KIF26B: variants seen among roughly 807,000 people sequenced by gnomAD.
The protein encoded by KIF26B is kinesin family member 26B.
A neutral mutation model predicts 151.2 loss-of-function variants in KIF26B; 63 were observed. That is an observed-to-expected ratio of 0.42 (90% CI 0.34 to 0.51). The LOEUF is 0.51. Ranked by LOEUF, KIF26B falls within the 20% of genes least tolerant of loss-of-function variation. KIF26B has a pLI of 0.07. For missense variants in KIF26B, 2,813 were observed against 2,913.6 expected, an observed-to-expected ratio of 0.97 and a Z score of 0.79; for synonymous variants, 1,357 against 1,262.1, an observed-to-expected ratio of 1.08 and a Z score of -1.59.
intron 2 of KIF26B, among the ~76,000 whole-genome samples, chr1:245,348,614 C>T (rs1165188032): frequency 6.6e-6 from 1 of 152,196 alleles, no homozygotes; most frequent in African/African-American, 2.4e-5. Flanking sequence ...TGACTCCACC[C>T]TCATGACCTG....
chr1:245,696,737 G>A (rs182617844), intron 12 of KIF26B, among the ~76,000 whole-genome samples: 72 of 152,304 alleles, frequency 4.7e-4, no homozygotes, highest in African/African-American at 1.7e-3. Context: ...ACTTAGTTTC[G>A]TTAGTTGGGG....
rs1659586935 is a variant in KIF26B at position 245,458,542 on chromosome 1, C to T, written c.1166+38797C>T. 3.3e-5 allele frequency among the ~76,000 whole-genome samples: 5 copies of T among 152,304 alleles called. No homozygotes were observed. The South Asian group carries it at 1.0e-3, about 32-fold the overall frequency. On this transcript the variant is annotated intron_variant, in intron 4 of 14. Transcript: ENST00000407071. ...TTGCTCCCTCCTTCCCTGTGTATTC[C>T]TGAAGGCATATAGCTACATCTTCAT...
Position 245,702,490 on chromosome 1 carries a change from C to T in KIF26B, c.6211C>T (p.Leu2071=), listed in dbSNP as rs1179896247. ...GGAGCAGGTTTGGGAGCTGGATTCC[C>T]TGGAGTACCTGGAGGCACTGGAGTG... ...DLEQVWELDS[L]EYLEALECVT... is the part of the protein sequence containing the mutation. Residue 2071 remains leucine (L), a synonymous_variant, in exon 15 of 15, where the codon CTG becomes TTG. Coordinates refer to ENST00000407071, the MANE Select transcript of KIF26B (RefSeq NM_018012.4). The surrounding 1 kb of genome is among the most constrained non-coding windows in gnomAD (Gnocchi z 4.1). 3 of 1,613,906 alleles carry T rather than the reference C, an allele frequency of 1.9e-6. No homozygotes were observed. Among genetic ancestry groups the T allele is most frequent in the African/African-American group, 1.3e-5 (1 of 75,026 alleles).
rs1421505807 is a variant in KIF26B, at chr1:245,488,677, C to T, written c.1167-52090C>T. Among the ~76,000 whole-genome samples the T allele has an allele frequency of 1.3e-5, 2 of 152,052 alleles. No individual in the cohort carries two copies. The highest frequency in any genetic ancestry group is 1.3e-4 in the Admixed American group (2 of 15,262). ...TTTTGATGAACTGAAGACTGGGGTC[C>T]GGGTTGTAATGGAGACTTAGAGTTG... On this transcript the variant is annotated intron_variant, in intron 4 of 14. Coordinates refer to ENST00000407071, the MANE Select transcript of KIF26B (RefSeq NM_018012.4). The surrounding 1 kb of genome is among the most constrained non-coding windows in gnomAD (Gnocchi z 4.6).
chr1:245,155,629 C>T, intron 1 of KIF26B, 142 bp downstream of exon 1: 1 of 691,846 alleles, frequency 1.4e-6, no homozygotes. Context: ...GTTGTGAGTG[C>T]GCGGAGGCGG....
At chr1:245,652,819 A>G (rs2044034594) in intron 10 of KIF26B, among the ~76,000 whole-genome samples, 1 of 152,106 alleles carries the variant, frequency 6.6e-6, no homozygotes, top group South Asian at 2.1e-4. Context: ...CAGCTCTGTC[A>G]TCATCTCTTG....
At chr1:245,514,904 A>G (rs186779280) in intron 4 of KIF26B, among the ~76,000 whole-genome samples, 3 of 152,340 alleles carry the variant, frequency 2.0e-5, no homozygotes, top group Admixed American at 6.5e-5. Context: ...GCGTCTGGCC[A>G]TAGCCTTGAT....
chr1:245,500,081 T>C (rs1660590367), intron 4 of KIF26B, among the ~76,000 whole-genome samples: 1 of 152,238 alleles, frequency 6.6e-6, no homozygotes, highest in South Asian at 2.1e-4. Context: ...TGGAAGGTTT[T>C]AGGACTACTG....
At chr1:245,419,521 TG>T in intron 3 of KIF26B, 57 bp from the exon 4 acceptor site, 7 of 1,500,716 alleles carry the variant, frequency 4.7e-6, no homozygotes, top group Admixed American at 1.9e-5. Flanking sequence ...ATGCTGTCAG[TG>T]GTCAGGAAAA....
chr1:245,169,356 T>TGTGTGTGTGTGTGTGC (rs1668669906), intron 2 of KIF26B, among the ~76,000 whole-genome samples: 3 of 151,950 alleles, frequency 2.0e-5, no homozygotes, highest in South Asian at 2.1e-4. Context: ...TGTGTGTGTG[T>TGTGTGTGTGTGTGTGC]GTGTGTGCGC....
At chr1:245,447,428 C>A (rs1328246404) in intron 4 of KIF26B, among the ~76,000 whole-genome samples, 2 of 152,294 alleles carry the variant, frequency 1.3e-5, no homozygotes, top group African/African-American at 4.8e-5. Context: ...CTACAATTCC[C>A]ATATGGGAAA....
In KIF26B at chr1:245,244,650, G is replaced by A. The variant is rs193190439; in HGVS notation, c.465+87967G>A. 1.2e-4 allele frequency among the ~76,000 whole-genome samples: 18 copies of A among 151,910 alleles called. No homozygotes were observed. Among genetic ancestry groups the A allele is most frequent in the African/African-American group, 7.2e-5 (3 of 41,400 alleles). ...TCCCCTGACTTCCAATGTGACACCC[G>A]TCTTCTCTGTCCTCTCTCTTCATAC... On this transcript the variant is annotated intron_variant, in intron 2 of 14. Transcript: ENST00000407071. The surrounding 1 kb of genome is among the most constrained non-coding windows in gnomAD (Gnocchi z 4.2).
At chr1:245,212,746 G>A (rs985414003) in intron 2 of KIF26B, among the ~76,000 whole-genome samples, 9 of 152,230 alleles carry the variant, frequency 5.9e-5, no homozygotes, top group Non-Finnish European at 8.8e-5. Context: ...CGAGTCAGCC[G>A]TGTGCTCGAA....
chr1:245,526,874 C>T (rs933261581), intron 4 of KIF26B, among the ~76,000 whole-genome samples: 8 of 152,214 alleles, frequency 5.3e-5, no homozygotes, highest in African/African-American at 1.9e-4. Flanking sequence ...AGCTCTACTT[C>T]TTTTCAAAAT....
chr1:245,274,386 C>G (rs999430555), intron 2 of KIF26B, among the ~76,000 whole-genome samples: 1 of 152,092 alleles, frequency 6.6e-6, no homozygotes, highest in Non-Finnish European at 1.5e-5. Flanking sequence ...CCCCCCACCC[C>G]ACAACAGGCC....
chr1:245,294,599 TAG>T (rs1251984423), intron 2 of KIF26B, among the ~76,000 whole-genome samples: 2 of 152,238 alleles, frequency 1.3e-5, no homozygotes, highest in East Asian at 3.9e-4. Context: ...GTATTAGGAA[TAG>T]AGAGAAGAGA....
intron 2 of KIF26B, among the ~76,000 whole-genome samples, chr1:245,205,480 G>A (rs1271659698): frequency 6.6e-6 from 1 of 151,622 alleles, no homozygotes; most frequent in Non-Finnish European, 1.5e-5. Context: ...ATAATAATAT[G>A]CTCAACCAGC....
At chr1:245,377,077 G>A (rs1673294887) in intron 3 of KIF26B, among the ~76,000 whole-genome samples, 1 of 151,802 alleles carries the variant, frequency 6.6e-6, no homozygotes. Context: ...ACCACGCCTG[G>A]CTAATTTTTG....
intron 2 of KIF26B, among the ~76,000 whole-genome samples, chr1:245,226,668 G>A (rs1470983894): frequency 6.6e-6 from 1 of 152,108 alleles, no homozygotes; most frequent in Non-Finnish European, 1.5e-5. Flanking sequence ...TCTCCATGTT[G>A]GTCAGGCTGG....
Sources: gnomAD v4.1 joint callset for allele counts (sites outside exome capture counted in the v4.1 genomes callset) on GRCh38, gnomAD v4.1.1 for gene constraint, Gnocchi (gnomAD v3.1) non-coding constraint, MANE v1.5 for transcripts, NCBI Gene and HGNC (gene_info 2026-07-23, HGNC 2026-07-21) for gene names.